Variants in SEMA3A observed in about 807,000 individuals in gnomAD.
The protein encoded by SEMA3A is semaphorin-3A.
Under a neutral mutation model 97.9 loss-of-function variants are expected in SEMA3A, and 29 were observed. The observed-to-expected ratio is 0.30, with a 90% CI of 0.22 to 0.40. The LOEUF (loss-of-function observed/expected upper bound fraction) is 0.40, where lower values mean the gene tolerates loss of function less well. Among genes scored for constraint, SEMA3A ranks in the 10% least tolerant of loss-of-function variants. SEMA3A has a pLI of 1.00. For missense variants in SEMA3A, 763 were observed against 951.3 expected (o/e 0.80, Z 2.60); for synonymous variants, 321 against 323.7 (o/e 0.99, Z 0.09).
intron 2 of SEMA3A, among the ~76,000 whole-genome samples, chr7:84,368,584 G>A (rs1802904554): frequency 6.6e-6 from 1 of 150,422 alleles, no homozygotes; most frequent in South Asian, 2.1e-4. Context: ...TAAACATACT[G>A]GCCATATAAT....
intron 3 of SEMA3A, among the ~76,000 whole-genome samples, chr7:84,290,222 G>A (rs1185436154): frequency 6.6e-6 from 1 of 151,776 alleles, no homozygotes; most frequent in African/African-American, 2.4e-5. Flanking sequence ...CTTAAAATTG[G>A]TGAATTTTAT....
At chr7:83,978,093 C>T (rs985205748) in intron 14 of SEMA3A, among the ~76,000 whole-genome samples, 4 of 151,962 alleles carry the variant, frequency 2.6e-5, no homozygotes, top group Admixed American at 6.6e-5. Context: ...TGAGCCACTG[C>T]GCCTGGCCAT....
intron 1 of SEMA3A, among the ~76,000 whole-genome samples, chr7:84,146,071 C>G (rs1247544779): frequency 2.0e-5 from 3 of 152,172 alleles, no homozygotes; most frequent in Non-Finnish European, 2.9e-5. Context: ...CCATCAAAGA[C>G]TTGAGAATTA....
intron 15 of SEMA3A, among the ~76,000 whole-genome samples, chr7:83,975,196 A>G (rs948275536): frequency 1.3e-5 from 2 of 152,114 alleles, no homozygotes; most frequent in Non-Finnish European, 2.9e-5. Context: ...TTTTCCCCAT[A>G]TATATTTACA....
In SEMA3A at chr7:84,445,493, C is replaced by CAAAAA. The variant is rs61298477; in HGVS notation, c.-246+46962_-246+46966dup. On this transcript the variant is annotated intron_variant, in intron 1 of 3. Coordinates refer to the SEMA3A transcript ENST00000424555. Reference sequence around the variant, plus strand: ...TGGGCGACAGAGTGAGACTCCATCTCAAAAAAAAAAAAAAAAAAAAAAAAA... The same window carrying CAAAAA: ...TGGGCGACAGAGTGAGACTCCATCTCAAAAAAAAAAAAAAAAAAAAAAAAAAAAAA... Among the ~76,000 whole-genome samples the CAAAAA allele has an allele frequency of 5.8e-3, 159 of 27,602 alleles. 2 individuals are homozygous for CAAAAA. Among genetic ancestry groups the CAAAAA allele is most frequent in the Non-Finnish European group, 8.4e-3 (107 of 12,698 alleles). The allele number at this position is 27,602 out of a possible 152,430, so 18.1% of individuals were successfully genotyped here.
At chr7:83,985,131 T>C (rs1262204391) in intron 13 of SEMA3A, among the ~76,000 whole-genome samples, 1 of 152,078 alleles carries the variant, frequency 6.6e-6, no homozygotes, top group African/African-American at 2.4e-5. Context: ...ATGAAAATTA[T>C]TATTGAGTAT....
At chr7:84,108,799 G>A (rs1795190889) in intron 4 of SEMA3A, among the ~76,000 whole-genome samples, 1 of 151,898 alleles carries the variant, frequency 6.6e-6, no homozygotes, top group African/African-American at 2.4e-5. Flanking sequence ...CAGCTACTTG[G>A]GAGGCTGAGA....
chr7:84,215,890 T>C (rs923949253), intron 3 of SEMA3A, among the ~76,000 whole-genome samples: 6 of 152,186 alleles, frequency 3.9e-5, no homozygotes, highest in African/African-American at 1.4e-4. Flanking sequence ...GACAAGATTG[T>C]AGTGTCAGTT....
chr7:84,015,300 G>T (rs368824361), intron 6 of SEMA3A, among the ~76,000 whole-genome samples: 19 of 152,158 alleles, frequency 1.2e-4, no homozygotes, highest in African/African-American at 4.1e-4. Flanking sequence ...AGCTTAAAAC[G>T]TGATAGGCAG....
intron 4 of SEMA3A, among the ~76,000 whole-genome samples, chr7:84,064,961 A>C (rs1793418656): frequency 1.3e-5 from 2 of 152,276 alleles, no homozygotes; most frequent in Non-Finnish European, 2.9e-5. Flanking sequence ...AATCAACAGA[A>C]TATACATTTT....
chr7:84,138,856 T>A (rs753426395), intron 1 of SEMA3A, among the ~76,000 whole-genome samples: 8 of 152,092 alleles, frequency 5.3e-5, no homozygotes, highest in Non-Finnish European at 1.0e-4. Context: ...CAGTGTGAGA[T>A]TAAATAGAAA....
intron 1 of SEMA3A, among the ~76,000 whole-genome samples, chr7:84,469,628 T>C (rs140306971): frequency 2.0e-5 from 3 of 152,266 alleles, no homozygotes; most frequent in African/African-American, 4.8e-5. Context: ...TTAACCTAAA[T>C]CATTGTCCAC....
At chr7:84,174,249 T>C (rs1254253168) in intron 1 of SEMA3A, among the ~76,000 whole-genome samples, 1 of 152,056 alleles carries the variant, frequency 6.6e-6, no homozygotes, top group Admixed American at 6.6e-5. Context: ...TTATCTTCCA[T>C]GAAATGGGTC....
intron 1 of SEMA3A, among the ~76,000 whole-genome samples, chr7:84,442,087 G>A (rs1805286993): frequency 6.6e-6 from 1 of 152,040 alleles, no homozygotes; most frequent in African/African-American, 2.4e-5. Context: ...TAAATACATG[G>A]GCAATTATAA....
intron 15 of SEMA3A, among the ~76,000 whole-genome samples, chr7:83,974,511 C>T (rs1266696967): frequency 1.3e-5 from 2 of 152,108 alleles, no homozygotes; most frequent in Admixed American, 1.3e-4. Flanking sequence ...GTGAAAACAT[C>T]TCATATTTTT....
chr7:84,233,868 G>T (rs1405106748), intron 3 of SEMA3A, among the ~76,000 whole-genome samples: 1 of 151,810 alleles, frequency 6.6e-6, no homozygotes, highest in Non-Finnish European at 1.5e-5. Context: ...GTAGAGCCCT[G>T]GTAGAAATGC....
chr7:84,370,883 T>A (rs867997775), intron 2 of SEMA3A, among the ~76,000 whole-genome samples: 1 of 151,306 alleles, frequency 6.6e-6, no homozygotes. Context: ...TTTTCCATGC[T>A]AACAACAGCT....
At chr7:84,462,595 CTTAA>C (rs1207096902) in intron 1 of SEMA3A, among the ~76,000 whole-genome samples, 1 of 152,086 alleles carries the variant, frequency 6.6e-6, no homozygotes, top group East Asian at 1.9e-4. Context: ...GTCTGGCACT[CTTAA>C]TTAGTCATGT....
At chr7:84,266,709 T>C (rs10256470) in intron 3 of SEMA3A, among the ~76,000 whole-genome samples, 8,796 of 152,108 alleles carry the variant, frequency 0.058, 292 homozygotes, top group African/African-American at 0.096. Context: ...AAAATAGAAA[T>C]GATGAATTAG....
Sources: gnomAD v4.1 joint callset for allele counts (sites outside exome capture counted in the v4.1 genomes callset) on GRCh38, gnomAD v4.1.1 for gene constraint, MANE v1.5 for transcripts, NCBI Gene and HGNC (gene_info 2026-07-23, HGNC 2026-07-21) for gene names.